Variants in TMOD1 observed in about 807,000 individuals in gnomAD.
TMOD1 encodes the protein tropomodulin 1.
Under a neutral mutation model 40.6 loss-of-function variants are expected in TMOD1, and 17 were observed. The observed-to-expected ratio is 0.42, with a 90% CI of 0.29 to 0.63. The LOEUF is 0.63. Ranked by LOEUF, TMOD1 falls within the 20% of genes least tolerant of loss-of-function variation. The pLI, the probability that TMOD1 is intolerant of heterozygous loss-of-function variation, is 0.22. For missense variants in TMOD1, 391 were observed against 447.6 expected, an observed-to-expected ratio of 0.87 and a Z score of 1.14; for synonymous variants, 181 against 175.0, an observed-to-expected ratio of 1.03 and a Z score of -0.27.
At chr9:97,595,822 C>A (rs187602864) in intron 9 of TMOD1, among the ~76,000 whole-genome samples, 59 of 152,212 alleles carry the variant, frequency 3.9e-4, no homozygotes, top group South Asian at 3.7e-3. Context: ...CCTGTAATCC[C>A]AGCACTTTGG....
chr9:97,540,338 T>A (rs191992602), intron 2 of TMOD1, among the ~76,000 whole-genome samples: 10 of 152,372 alleles, frequency 6.6e-5, no homozygotes, highest in Admixed American at 5.9e-4. Flanking sequence ...TCTCTCTGTG[T>A]GTTCTCACGG....
chr9:97,524,018 A>G, intron 1 of TMOD1, 123 bp from the exon 2 acceptor site: 1 of 641,084 alleles, frequency 1.6e-6, no homozygotes, highest in East Asian at 2.9e-5. Context: ...ATTCCACCAT[A>G]GTAATGATTA....
chr9:97,569,076 T>G (rs748723245), intron 8 of TMOD1, 39 bp downstream of exon 8: 22 of 1,606,472 alleles, frequency 1.4e-5, no homozygotes, highest in Non-Finnish European at 1.8e-5. Flanking sequence ...TGTTACTACA[T>G]GCAGCTCGCT....
intron 4 of TMOD1, among the ~76,000 whole-genome samples, chr9:97,559,811 ATATATATATATATGTCTATCTATCTATC>A (rs1563990697): frequency 2.6e-4 from 11 of 42,160 alleles, no homozygotes; most frequent in Middle Eastern, 0.013. Flanking sequence ...ATATATATAT[ATATATATATATATGTCTATCTATCTATC>A]TATCTATCTA....
Position 97,528,088 on chromosome 9 carries a change from G to A in TMOD1, c.120+3780G>A, listed in dbSNP as rs115330963. On this transcript the variant is annotated intron_variant, in intron 2 of 9. Transcript: ENST00000259365. ...AAGAGCTCCCGCAGGTCTGCCACCC[G>A]ACATATCAGAGCATCCAGCCTCAGC... Among the ~76,000 whole-genome samples the A allele has an allele frequency of 2.6e-3, 396 of 152,250 alleles. 2 individuals are homozygous for A. The highest frequency in any genetic ancestry group is 9.0e-3 in the African/African-American group (372 of 41,530).
intron 1 of TMOD1, among the ~76,000 whole-genome samples, chr9:97,504,624 G>A (rs1470479988): frequency 6.6e-6 from 1 of 152,110 alleles, no homozygotes; most frequent in African/African-American, 2.4e-5. Flanking sequence ...AAGGTAAAAC[G>A]AAGCAGATCC....
chr9:97,561,127 C>T (rs367958592), intron 4 of TMOD1, among the ~76,000 whole-genome samples: 9 of 152,310 alleles, frequency 5.9e-5, no homozygotes, highest in Admixed American at 3.3e-4. Flanking sequence ...GCAACAGCCT[C>T]ACAGCTCTGC....
chr9:97,552,322 C>T (rs1464874546), intron 3 of TMOD1, among the ~76,000 whole-genome samples: 4 of 57,954 alleles, frequency 6.9e-5, no homozygotes, highest in East Asian at 4.3e-4. Flanking sequence ...CTCAGTGAGG[C>T]GTCCTCTGAC....
chr9:97,529,857 A>C (rs1287533531), intron 2 of TMOD1, among the ~76,000 whole-genome samples: 2 of 152,172 alleles, frequency 1.3e-5, no homozygotes, highest in African/African-American at 4.8e-5. Flanking sequence ...TGAGTAATAG[A>C]CGCTCAATAC....
At chr9:97,569,353 G>A (rs1220523748) in intron 8 of TMOD1, among the ~76,000 whole-genome samples, 6 of 152,090 alleles carry the variant, frequency 3.9e-5, no homozygotes, top group Admixed American at 2.0e-4. Context: ...TCAGCTCCCC[G>A]TAAGTCCTGT....
chr9:97,591,922 A>G (rs1030504875), intron 9 of TMOD1, among the ~76,000 whole-genome samples: 3 of 152,198 alleles, frequency 2.0e-5, no homozygotes, highest in East Asian at 3.9e-4. Context: ...CTTCATAGTA[A>G]AGTAAAAGTA....
At chr9:97,523,200 G>C (rs1263604406) in intron 1 of TMOD1, among the ~76,000 whole-genome samples, 2 of 152,240 alleles carry the variant, frequency 1.3e-5, no homozygotes, top group Non-Finnish European at 2.9e-5. Flanking sequence ...ATGGTTATGG[G>C]AAGTAGCAGA....
intron 1 of TMOD1, among the ~76,000 whole-genome samples, chr9:97,507,510 T>G (rs1389962312): frequency 6.6e-6 from 1 of 152,156 alleles, no homozygotes; most frequent in Non-Finnish European, 1.5e-5. Flanking sequence ...CCCTGAAGAT[T>G]AAGATCACGA....
chr9:97,505,071 T>G (rs1396726809), intron 1 of TMOD1, among the ~76,000 whole-genome samples: 1 of 152,248 alleles, frequency 6.6e-6, no homozygotes, highest in East Asian at 1.9e-4. Context: ...TAATTCTCTT[T>G]GCTCTTAATG....
At chr9:97,546,380 A>G (rs762193893) in intron 3 of TMOD1, 39 bp downstream of exon 3, 1 of 1,595,180 alleles carries the variant, frequency 6.3e-7, no homozygotes, top group East Asian at 2.2e-5. Flanking sequence ...GCCACTCCCC[A>G]TGCACCATTG....
At chr9:97,570,823 T>C (rs149528573) in intron 8 of TMOD1, among the ~76,000 whole-genome samples, 239 of 152,292 alleles carry the variant, frequency 1.6e-3, no homozygotes, top group Admixed American at 3.8e-3. Context: ...CAGAATCCAC[T>C]CTCCAAGCTG....
At chr9:97,578,062 ATC>A (rs1825651686) in intron 8 of TMOD1, among the ~76,000 whole-genome samples, 1 of 152,040 alleles carries the variant, frequency 6.6e-6, no homozygotes. Context: ...CTTCTTTGAC[ATC>A]TCTTTTTTTG....
At chr9:97,576,887 C>G (rs1411242827) in intron 8 of TMOD1, among the ~76,000 whole-genome samples, 1 of 152,128 alleles carries the variant, frequency 6.6e-6, no homozygotes, top group South Asian at 2.1e-4. Flanking sequence ...GATCCGCCCA[C>G]CTCGGCCTCC....
intron 2 of TMOD1, among the ~76,000 whole-genome samples, chr9:97,529,230 A>G (rs1830062234): frequency 6.6e-6 from 1 of 152,208 alleles, no homozygotes; most frequent in East Asian, 1.9e-4. Flanking sequence ...GCAGAAGTCC[A>G]GGTTCCAGTC....
Sources: allele counts gnomAD v4.1 joint callset (sites outside exome capture counted in the v4.1 genomes callset), GRCh38; gene constraint gnomAD v4.1.1; transcripts MANE v1.5; gene names NCBI Gene and HGNC (gene_info 2026-07-23, HGNC 2026-07-21).